The following PDE1C variants were observed in gnomAD, a reference collection of about 807,000 sequenced individuals.
The protein encoded by PDE1C is dual specificity calcium/calmodulin-dependent 3',5'-cyclic nucleotide phosphodiesterase 1C.
In PDE1C, 62 loss-of-function variants were observed where a neutral mutation model predicts 93.1. That is an observed-to-expected ratio of 0.67 (90% CI 0.54 to 0.82). The LOEUF (loss-of-function observed/expected upper bound fraction) is 0.82. Among genes scored for constraint, PDE1C ranks in the 40% least tolerant of loss-of-function variants. The pLI, the probability that PDE1C is intolerant of heterozygous loss-of-function variation, is 0.00. For missense variants in PDE1C, 742 were observed against 884.6 expected (o/e 0.84, Z 2.04); for synonymous variants, 325 against 310.1 (o/e 1.05, Z -0.50).
intron 2 of PDE1C, among the ~76,000 whole-genome samples, chr7:32,177,199 T>C (rs760115725): frequency 1.8e-4 from 28 of 152,194 alleles, no homozygotes; most frequent in Non-Finnish European, 2.9e-4. Context: ...CAAGTTTCTT[T>C]CTGGAAAGTA....
intron 1 of PDE1C, among the ~76,000 whole-genome samples, chr7:32,285,232 G>A (rs1397547685): frequency 3.3e-5 from 5 of 152,008 alleles, no homozygotes; most frequent in Non-Finnish European, 7.4e-5. Flanking sequence ...AACTCCATTC[G>A]AAAACTTTCA....
At chr7:32,154,778 G>A (rs1024689981) in intron 3 of PDE1C, among the ~76,000 whole-genome samples, 7 of 152,240 alleles carry the variant, frequency 4.6e-5, no homozygotes, top group Non-Finnish European at 1.0e-4. Context: ...AAGGGCTCTG[G>A]TGAGACCACA....
intron 2 of PDE1C, among the ~76,000 whole-genome samples, chr7:32,200,172 T>C (rs771763911): frequency 6.6e-6 from 1 of 152,200 alleles, no homozygotes; most frequent in Non-Finnish European, 1.5e-5. Flanking sequence ...GTTTGCTGAC[T>C]CTTGCTCATC....
intron 2 of PDE1C, among the ~76,000 whole-genome samples, chr7:31,954,166 T>A (rs985815593): frequency 1.3e-5 from 2 of 152,224 alleles, no homozygotes; most frequent in African/African-American, 4.8e-5. Flanking sequence ...AAATGGGGGC[T>A]ACATTCCCAA....
intron 2 of PDE1C, among the ~76,000 whole-genome samples, chr7:31,968,577 A>T (rs1396263797): frequency 6.6e-6 from 1 of 152,256 alleles, no homozygotes; most frequent in African/African-American, 2.4e-5. Flanking sequence ...TCAAGCTACC[A>T]ATGACTTTCT....
intron 3 of PDE1C, among the ~76,000 whole-genome samples, chr7:32,120,996 A>C (rs1017268999): frequency 2.0e-5 from 3 of 152,192 alleles, no homozygotes; most frequent in Admixed American, 6.5e-5. Context: ...AAGATTAGAG[A>C]AGCTGCTAAC....
chr7:31,830,390 A>G (rs1562880248), intron 11 of PDE1C, among the ~76,000 whole-genome samples: 1 of 152,072 alleles, frequency 6.6e-6, no homozygotes, highest in Non-Finnish European at 1.5e-5. Context: ...ATTTTTAAAA[A>G]CTCACTCATT....
chr7:31,851,605 T>C (rs1340105690), intron 7 of PDE1C, among the ~76,000 whole-genome samples: 1 of 152,234 alleles, frequency 6.6e-6, no homozygotes, highest in African/African-American at 2.4e-5. Flanking sequence ...CAGGCCACCT[T>C]CTCATATCCT....
At chr7:31,999,382 G>A (rs1785162992) in intron 2 of PDE1C, among the ~76,000 whole-genome samples, 1 of 152,134 alleles carries the variant, frequency 6.6e-6, no homozygotes, top group Non-Finnish European at 1.5e-5. Flanking sequence ...CAACATAACT[G>A]ACACACACTA....
the PDE1C span, among the ~76,000 whole-genome samples, chr7:31,713,227 T>C: frequency 6.6e-6 from 1 of 152,270 alleles, no homozygotes; most frequent in East Asian, 1.9e-4. Flanking sequence ...CCATTCCAAA[T>C]GGGAGAAATT....
At chr7:31,973,474 T>C (rs1259752423) in intron 2 of PDE1C, among the ~76,000 whole-genome samples, 1 of 152,210 alleles carries the variant, frequency 6.6e-6, no homozygotes, top group East Asian at 1.9e-4. Context: ...AAGTCAAAGT[T>C]TGATGTTATT....
At chr7:32,230,267 C>T (rs888924304) in intron 1 of PDE1C, among the ~76,000 whole-genome samples, 2 of 152,130 alleles carry the variant, frequency 1.3e-5, no homozygotes, top group South Asian at 2.1e-4. Context: ...TCTGGGCTCA[C>T]GCCAAGGTGA....
intron 1 of PDE1C, among the ~76,000 whole-genome samples, chr7:32,361,715 G>A (rs146057775): frequency 5.9e-4 from 89 of 152,098 alleles, no homozygotes; most frequent in African/African-American, 2.0e-3. Context: ...TTCCTGCCTC[G>A]TGCTCCCCTG....
At chr7:31,748,465 A>G (rs1794052710), downstream of PDE1C, among the ~76,000 whole-genome samples, 1 of 152,228 alleles carries the variant, frequency 6.6e-6, no homozygotes, top group Admixed American at 6.5e-5. Flanking sequence ...ATTCACAGAG[A>G]ACCCAAGTTG....
chr7:31,743,568 T>C, the PDE1C span, among the ~76,000 whole-genome samples: 8 of 149,854 alleles, frequency 5.3e-5, no homozygotes, highest in African/African-American at 2.0e-4. Context: ...TGTGTGTGTG[T>C]GTGTGCGCAC....
the PDE1C span, among the ~76,000 whole-genome samples, chr7:31,693,949 T>C: frequency 2.6e-5 from 4 of 152,226 alleles, no homozygotes; most frequent in African/African-American, 9.6e-5. Flanking sequence ...ACTTAGAGTG[T>C]CCAAAGAAGA....
intron 2 of PDE1C, among the ~76,000 whole-genome samples, chr7:32,017,524 T>C (rs1788068006): frequency 6.6e-6 from 1 of 152,162 alleles, no homozygotes; most frequent in South Asian, 2.1e-4. Flanking sequence ...TAAAACATTT[T>C]GTGCTTTAAA....
intron 2 of PDE1C, among the ~76,000 whole-genome samples, chr7:31,900,215 T>C (rs193181559): frequency 3.3e-5 from 5 of 152,194 alleles, no homozygotes; most frequent in Non-Finnish European, 5.9e-5. Context: ...TATAAGTCTT[T>C]CCAATTTTAT....
intron 2 of PDE1C, among the ~76,000 whole-genome samples, chr7:32,209,097 T>G (rs563598840): frequency 3.3e-5 from 5 of 152,248 alleles, no homozygotes; most frequent in Admixed American, 6.5e-5. Flanking sequence ...AGCACAGCAC[T>G]TCTCAAACTC....
Sources: allele counts gnomAD v4.1 joint callset (sites outside exome capture counted in the v4.1 genomes callset), GRCh38; gene constraint gnomAD v4.1.1; transcripts MANE v1.5; gene names NCBI Gene and HGNC (gene_info 2026-07-23, HGNC 2026-07-21).